ADRA1D: variants seen among roughly 807,000 people sequenced by gnomAD.
ADRA1D encodes adrenoceptor alpha 1D.
In ADRA1D, 22 loss-of-function variants were observed where a neutral mutation model predicts 18.6. The observed-to-expected ratio is 1.19, with a 90% CI of 0.85 to 1.69. ADRA1D has a LOEUF of 1.69. ADRA1D is among the 40% of genes most tolerant of loss of function. The probability of loss-of-function intolerance (pLI) is 0.00; values close to 1 mark genes in which losing one functional copy is unlikely to be tolerated. For synonymous variants in ADRA1D, 376 were observed against 388.2 expected (o/e 0.97, Z 0.37); for missense variants, 840 against 840.7 (o/e 1.00, Z 0.01).
Position 4,248,612 on chromosome 20 carries a change from G to A in ADRA1D, c.346C>T (p.Leu116Phe). The A allele has an allele frequency of 1.2e-6, 2 of 1,613,098 alleles. No individual in the cohort carries two copies. Among genetic ancestry groups the A allele is most frequent in the South Asian group, 1.1e-5 (1 of 91,036 alleles). ...FILMAVAGNL[L>F]VILSVACNRH... ...TTGCAGGCCACTGAGAGGATGACAA[G>A]CAGGTTACCTGCCACGGCCATAAGG... Residue 116 changes from leucine (L) to phenylalanine (F), a missense_variant, in exon 1 of 2, where the codon CTT becomes TTT. Leu to Phe is a conservative substitution (Grantham distance 22, BLOSUM62 0). Transcript: ENST00000379453.
At chr20:4,233,046 C>A (rs957805009) in intron 1 of ADRA1D, among the ~76,000 whole-genome samples, 2 of 152,154 alleles carry the variant, frequency 1.3e-5, no homozygotes, top group African/African-American at 4.8e-5. Context: ...GCATGTCTGC[C>A]GTCCTAGCTA....
At chr20:4,241,336 T>C (rs1981206511) in intron 1 of ADRA1D, among the ~76,000 whole-genome samples, 1 of 152,246 alleles carries the variant, frequency 6.6e-6, no homozygotes, top group Non-Finnish European at 1.5e-5. Flanking sequence ...TGTGCAACAG[T>C]ATCACATGAT....
intron 1 of ADRA1D, among the ~76,000 whole-genome samples, chr20:4,242,097 A>C (rs1050296575): frequency 3.3e-5 from 5 of 152,228 alleles, no homozygotes; most frequent in African/African-American, 4.8e-5. Flanking sequence ...GGTAACCGCT[A>C]TCCTGGATTT....
chr20:4,232,676 C>A (rs1284576545), intron 1 of ADRA1D, among the ~76,000 whole-genome samples: 1 of 152,212 alleles, frequency 6.6e-6, no homozygotes, highest in Non-Finnish European at 1.5e-5. Context: ...GATGTTGGTG[C>A]CCTGCCCAGG....
intron 1 of ADRA1D, among the ~76,000 whole-genome samples, chr20:4,246,639 G>T (rs141382120): frequency 1.3e-5 from 2 of 152,260 alleles, no homozygotes; most frequent in East Asian, 3.9e-4. Context: ...TGTCTGCATG[G>T]CCCCAGTTCC....
intron 1 of ADRA1D, among the ~76,000 whole-genome samples, chr20:4,241,698 C>T (rs2122674287): frequency 6.6e-6 from 1 of 152,320 alleles, no homozygotes; most frequent in East Asian, 1.9e-4. Context: ...TGCCTCTCCC[C>T]TTCATCCACA....
chr20:4,236,599 G>A (rs963438959), intron 1 of ADRA1D, among the ~76,000 whole-genome samples: 26 of 152,200 alleles, frequency 1.7e-4, no homozygotes, highest in African/African-American at 5.5e-4. Flanking sequence ...TGGCTGGGGC[G>A]TGGAAGTGTG....
intron 1 of ADRA1D, among the ~76,000 whole-genome samples, chr20:4,226,977 C>T (rs1287676463): frequency 6.6e-6 from 1 of 152,220 alleles, no homozygotes; most frequent in Non-Finnish European, 1.5e-5. Context: ...CTGCACCCCT[C>T]AGCATTCTCT....
rs1980689430 is a variant in ADRA1D at position 4,222,171 on chromosome 20, AG to A, written c.1112-42del. 1 of 1,588,548 alleles carries A rather than the reference AG, an allele frequency of 6.3e-7. No individual in the cohort carries two copies. Among genetic ancestry groups the A allele is most frequent in the Non-Finnish European group, 8.6e-7 (1 of 1,166,122 alleles). On this transcript the variant is annotated intron_variant, in intron 1 of 1. Transcript: ENST00000379453. The surrounding 1 kb of genome is among the most constrained non-coding windows in gnomAD (Gnocchi z 4.3). Reference sequence around the variant, plus strand: ...ACCGATACTATTTAGCTGCTTGGGGAGGGGGAGGCCAGGCGGCTCTGGGCGC... The same window carrying A: ...ACCGATACTATTTAGCTGCTTGGGGAGGGGAGGCCAGGCGGCTCTGGGCGC...
chr20:4,222,217 A>T lies in ADRA1D; in HGVS notation c.1112-87T>A. 1 of 1,513,392 alleles carries T rather than the reference A, an allele frequency of 6.6e-7. No homozygotes were observed. The highest frequency in any genetic ancestry group is 8.8e-7 in the Non-Finnish European group (1 of 1,133,220). The allele number at this position is 1,513,392 out of a possible 1,614,324, so 93.7% of individuals were successfully genotyped here. ...GGGCGCAAAGGGGAGACCCTTCAGT[A>T]GCCTTGGCTGAGTCATTGACTAGGA... On this transcript the variant is annotated intron_variant, in intron 1 of 1. Transcript: ENST00000379453. This position sits in a 1 kb window ranked among gnomAD's most constrained non-coding sequence, Gnocchi z 4.3.
chr20:4,222,099 C>CTCCGATGGCT lies in ADRA1D; in HGVS notation c.1133_1142dup (p.Gly382AlafsTer210). On this transcript the variant is annotated frameshift_variant, in exon 2 of 2. Transcript: ENST00000379453. LOFTEE classifies it low-confidence loss of function (END_TRUNC). This position sits in a 1 kb window ranked among gnomAD's most constrained non-coding sequence, Gnocchi z 4.3. ...GCCAGAAGATGACCTTGAAGACGCCCTCCGATGGCTTCAGCTGCGGGAACA... is the reference window on the plus strand; with the variant it reads ...GCCAGAAGATGACCTTGAAGACGCCCTCCGATGGCTTCCGATGGCTTCAGCTGCGGGAACA... The CTCCGATGGCT allele has an allele frequency of 1.2e-6, 2 of 1,612,522 alleles. No homozygotes were observed. Among genetic ancestry groups the CTCCGATGGCT allele is most frequent in the Non-Finnish European group, 1.7e-6 (2 of 1,179,380 alleles).
intron 1 of ADRA1D, among the ~76,000 whole-genome samples, chr20:4,232,374 G>A (rs13433357): frequency 0.026 from 3,887 of 152,278 alleles, 164 homozygotes; most frequent in South Asian, 0.2. Context: ...GGGTGATAGC[G>A]GCTTCTGGAG....
rs1365053781 is a variant in ADRA1D, at chr20:4,221,794, G to A, written c.1448C>T (p.Pro483Leu). The A allele has an allele frequency of 2.6e-6, 4 of 1,568,228 alleles. No individual in the cohort carries two copies. Among genetic ancestry groups the A allele is most frequent in the Non-Finnish European group, 1.7e-6 (2 of 1,161,774 alleles). Residue 483 changes from proline (P) to leucine (L), a missense_variant, in exon 2 of 2, where the codon CCG (proline) becomes CTG (leucine). Transcript: ENST00000379453. ...EPPGTPEMQAPVASRRKPPSA... is the reference protein window; with the variant it reads ...EPPGTPEMQALVASRRKPPSA... ...GGGTGGCTTTCGACGGCTGGCGACCGGAGCCTGCATCTCGGGCGTGCCTGG... is the reference window on the plus strand; with the variant it reads ...GGGTGGCTTTCGACGGCTGGCGACCAGAGCCTGCATCTCGGGCGTGCCTGG...
In ADRA1D at chr20:4,221,618, C is replaced by T. The variant is rs1219907436; in HGVS notation, c.1624G>A (p.Val542Met). 6.2e-7 allele frequency: 1 copy of T among 1,613,538 alleles called. No individual in the cohort carries two copies. The highest frequency in any genetic ancestry group is 1.7e-5 in the Admixed American group (1 of 60,012). The change falls in exon 2 of 2, where the codon GTG becomes ATG. Residue 542 changes from valine to methionine, a missense_variant. Physicochemically the swap from Val to Met is conservative, Grantham distance 21. Coordinates refer to ENST00000379453, the MANE Select transcript of ADRA1D (RefSeq NM_000678.4). ...ACCTCGTGTGGGACGCCTAGGGACA[C>T]AGCCTCCACCTCTGAGCGCTGGGCG... ...ACAQRSEVEA[V>M]SLGVPHEVAE...
chr20:4,244,314 A>C (rs958278457), intron 1 of ADRA1D, among the ~76,000 whole-genome samples: 2 of 152,132 alleles, frequency 1.3e-5, no homozygotes, highest in Admixed American at 6.5e-5. Flanking sequence ...GGTGCTCGTC[A>C]CAGCTAGTGT....
intron 1 of ADRA1D, among the ~76,000 whole-genome samples, chr20:4,235,869 G>A (rs556055011): frequency 3.7e-4 from 57 of 152,338 alleles, no homozygotes; most frequent in African/African-American, 1.3e-3. Flanking sequence ...GGGCTCAGGC[G>A]GGGGCAGAGA....
intron 1 of ADRA1D, among the ~76,000 whole-genome samples, chr20:4,223,552 T>G (rs1478876873): frequency 1.3e-5 from 2 of 152,202 alleles, no homozygotes. Flanking sequence ...ATCTTTGAGA[T>G]GCAGGTGGGG....
chr20:4,249,159 G>T lies in ADRA1D; in HGVS notation c.-202C>A. The stretch of plus-strand genomic sequence containing the variant: ...CCGGGCGGCGGCCGGGCTCCCCGAG[G>T]CCGGCCGTGGAGTAGCACCGAAGAG... On this transcript the variant is annotated 5_prime_UTR_variant, in exon 1 of 2. Transcript: ENST00000379453. 1 of 239,560 alleles carries T rather than the reference G, an allele frequency of 4.2e-6. No homozygotes were observed. Among genetic ancestry groups the T allele is most frequent in the Non-Finnish European group, 7.2e-6 (1 of 137,976 alleles). 14.8% of individuals were successfully genotyped at this position (239,560 alleles called of 1,614,324 possible).
intron 1 of ADRA1D, among the ~76,000 whole-genome samples, chr20:4,232,244 G>A (rs796633513): frequency 3.3e-4 from 50 of 152,318 alleles, no homozygotes; most frequent in African/African-American, 1.2e-3. Context: ...CTGGTCTGGC[G>A]AGGAGGCTAG....
Sources: allele counts gnomAD v4.1 joint callset (sites outside exome capture counted in the v4.1 genomes callset), GRCh38; gene constraint gnomAD v4.1.1; non-coding constraint Gnocchi (gnomAD v3.1); transcripts MANE v1.5; gene names NCBI Gene and HGNC (gene_info 2026-07-23, HGNC 2026-07-21).